Variants in ANO3 observed in about 807,000 individuals in gnomAD.
The protein encoded by ANO3 is anoctamin 3, also known as anoctamin-3.
ANO3 carries 99 observed loss-of-function variants against 144.8 expected under a neutral mutation model. The observed-to-expected ratio is 0.68, with a 90% CI of 0.58 to 0.81. The LOEUF is 0.81. Ranked by LOEUF, ANO3 falls within the 30% of genes least tolerant of loss-of-function variation. The pLI, the probability that ANO3 is intolerant of heterozygous loss-of-function variation, is 0.00. For synonymous variants in ANO3, 414 were observed against 392.6 expected, an observed-to-expected ratio of 1.05 and a Z score of -0.64; for missense variants, 905 against 1,202.2, an observed-to-expected ratio of 0.75 and a Z score of 3.66.
intron 17 of ANO3, among the ~76,000 whole-genome samples, chr11:26,606,519 C>A (rs11029637): frequency 0.29 from 43,835 of 151,782 alleles, 6,656 homozygotes; most frequent in South Asian, 0.46. Flanking sequence ...CTAATATTGA[C>A]AGTGGGGTGT....
chr11:26,433,778 A>G (rs950610895), intron 1 of ANO3, among the ~76,000 whole-genome samples: 15 of 152,118 alleles, frequency 9.9e-5, no homozygotes, highest in African/African-American at 3.1e-4. Context: ...TAGCTTTCTG[A>G]TGTGCTGCTG....
At chr11:26,599,105 C>A in intron 16 of ANO3, 107 bp downstream of exon 16, 3 of 1,187,556 alleles carry the variant, frequency 2.5e-6, no homozygotes, top group Non-Finnish European at 3.6e-6. Flanking sequence ...AAACCTTATT[C>A]TTTCCAACAA....
intron 1 of ANO3, among the ~76,000 whole-genome samples, chr11:26,259,909 A>C (rs1853146642): frequency 6.6e-6 from 1 of 152,058 alleles, no homozygotes; most frequent in African/African-American, 2.4e-5. Flanking sequence ...CATGGCTAAC[A>C]CGTTACCCTG....
At chr11:26,624,013 C>T (rs569698164) in intron 17 of ANO3, among the ~76,000 whole-genome samples, 1 of 152,230 alleles carries the variant, frequency 6.6e-6, no homozygotes, top group South Asian at 2.1e-4. Flanking sequence ...GTCTCGATCT[C>T]CTGACTTCGT....
In ANO3 at chr11:26,461,438, T is replaced by G. The variant is rs964390452; in HGVS notation, c.314-1592T>G. ...TCTTTACTAAAATGACACCCCCCAC[T>G]CCTTTCACACCTTCATCCTTCCTAT... On this transcript the variant is annotated intron_variant, in intron 3 of 26. Coordinates refer to ENST00000256737, the MANE Select transcript of ANO3 (RefSeq NM_031418.4). Among the ~76,000 whole-genome samples, 12 of 152,162 alleles carry G rather than the reference T, an allele frequency of 7.9e-5. No individual in the cohort carries two copies. The East Asian group carries it at 2.3e-3, about 30-fold the overall frequency.
intron 4 of ANO3, among the ~76,000 whole-genome samples, chr11:26,476,140 T>C (rs183730234): frequency 5.6e-4 from 86 of 152,262 alleles, no homozygotes; most frequent in Non-Finnish European, 9.0e-4. Flanking sequence ...GAATTCACCA[T>C]GTGCCAGACT....
chr11:26,636,431 G>T (rs1444594050), intron 20 of ANO3, among the ~76,000 whole-genome samples: 1 of 152,132 alleles, frequency 6.6e-6, no homozygotes, highest in Non-Finnish European at 1.5e-5. Context: ...AAATCAATAT[G>T]AAAAAGTTTT....
intron 1 of ANO3, among the ~76,000 whole-genome samples, chr11:26,192,034 T>A (rs150440304): frequency 1.9e-4 from 29 of 152,336 alleles, no homozygotes; most frequent in African/African-American, 6.7e-4. Context: ...CATAGTATAC[T>A]TTTTAAATGA....
chr11:26,208,892 C>A (rs139064444), intron 1 of ANO3, among the ~76,000 whole-genome samples: 2 of 152,152 alleles, frequency 1.3e-5, no homozygotes, highest in East Asian at 3.9e-4. Flanking sequence ...ATCATATGAT[C>A]CTGGAAATGT....
intron 8 of ANO3, among the ~76,000 whole-genome samples, 198 bp from the exon 9 acceptor site, chr11:26,534,258 A>G (rs1042645665): frequency 3.3e-5 from 5 of 152,204 alleles, no homozygotes; most frequent in African/African-American, 7.2e-5. Flanking sequence ...TATAAACTGA[A>G]AGAAGATAAC....
chr11:26,201,759 TTTG>T (rs1435136739), intron 1 of ANO3, among the ~76,000 whole-genome samples: 1 of 150,784 alleles, frequency 6.6e-6, no homozygotes, highest in Non-Finnish European at 1.5e-5. Flanking sequence ...TGAAGGAAGT[TTTG>T]TTTTTTTTTT....
At chr11:26,407,227 C>A (rs1857312550) in intron 1 of ANO3, among the ~76,000 whole-genome samples, 1 of 151,130 alleles carries the variant, frequency 6.6e-6, no homozygotes, top group African/African-American at 2.4e-5. Context: ...ATGTAATGAA[C>A]TTGTTTATCT....
intron 4 of ANO3, among the ~76,000 whole-genome samples, chr11:26,487,371 G>T (rs766244961): frequency 1.6e-4 from 25 of 152,174 alleles, no homozygotes; most frequent in Admixed American, 1.0e-3. Context: ...GCCTCCCTAG[G>T]CATGTGGAAC....
chr11:26,546,863 C>T (rs12275685), intron 11 of ANO3, among the ~76,000 whole-genome samples: 7,986 of 151,942 alleles, frequency 0.053, 265 homozygotes, highest in Admixed American at 0.095. Flanking sequence ...AATTACCATA[C>T]ATTTTTGTAA....
At chr11:26,504,071 T>A (rs10834994) in intron 4 of ANO3, among the ~76,000 whole-genome samples, 90,448 of 151,396 alleles carry the variant, frequency 0.6, 27,655 homozygotes, top group East Asian at 0.68. Flanking sequence ...AAATTTGTGT[T>A]TTATTTTATT....
chr11:26,298,483 A>C (rs1219688661), intron 1 of ANO3, among the ~76,000 whole-genome samples: 1 of 152,210 alleles, frequency 6.6e-6, no homozygotes, highest in Non-Finnish European at 1.5e-5. Flanking sequence ...TGTTTTCAAT[A>C]TTTGCAATGC....
intron 3 of ANO3, among the ~76,000 whole-genome samples, chr11:26,448,248 G>A (rs1276128077): frequency 1.3e-5 from 2 of 148,602 alleles, no homozygotes; most frequent in South Asian, 2.1e-4. Flanking sequence ...GCGGTGAGCC[G>A]AGATCGTGCC....
chr11:26,272,406 A>T (rs1853459620), intron 1 of ANO3, among the ~76,000 whole-genome samples: 1 of 152,314 alleles, frequency 6.6e-6, no homozygotes, highest in South Asian at 2.1e-4. Flanking sequence ...AGCAGGCATG[A>T]CAACTTTGCA....
At chr11:26,482,426 ATGTGTGTGTGTG>A (rs58664691) in intron 4 of ANO3, among the ~76,000 whole-genome samples, 3,300 of 141,072 alleles carry the variant, frequency 0.023, 94 homozygotes, top group African/African-American at 0.068. Context: ...ACACAGATAT[ATGTGTGTGTGTG>A]TGTGTGTGTG....
Sources: allele counts gnomAD v4.1 joint callset (sites outside exome capture counted in the v4.1 genomes callset), GRCh38; gene constraint gnomAD v4.1.1; transcripts MANE v1.5; gene names NCBI Gene and HGNC (gene_info 2026-07-23, HGNC 2026-07-21).